Variants in DENND5A observed in about 807,000 individuals in gnomAD.
DENND5A encodes the protein DENN domain-containing protein 5A.
Under a neutral mutation model 140.3 loss-of-function variants are expected in DENND5A, and 64 were observed. The ratio of observed to expected loss-of-function variants is 0.46; its 90% CI spans 0.37 to 0.56. The LOEUF (loss-of-function observed/expected upper bound fraction) is 0.56. DENND5A is among the 20% of genes least tolerant of loss of function. The pLI is 0.00. For missense variants in DENND5A, 1,292 were observed against 1,593.8 expected, an observed-to-expected ratio of 0.81 and a Z score of 3.22; for synonymous variants, 605 against 607.7, an observed-to-expected ratio of 1.00 and a Z score of 0.07.
At chr11:9,176,242 T>C (rs769468392) in intron 8 of DENND5A, among the ~76,000 whole-genome samples, 3 of 152,258 alleles carry the variant, frequency 2.0e-5, no homozygotes, top group Non-Finnish European at 4.4e-5. Context: ...TCAGCAGTTA[T>C]ATCTTCAAAG....
rs781312240 is a variant in DENND5A, at chr11:9,139,802, C to T, written c.3733G>A (p.Ala1245Thr). 1.9e-6 allele frequency: 3 copies of T among 1,614,080 alleles called. No individual in the cohort carries two copies. Among genetic ancestry groups the T allele is most frequent in the Non-Finnish European group, 2.5e-6 (3 of 1,180,016 alleles). The change falls in exon 23 of 23, where the codon GCA (alanine) becomes ACA (threonine). Residue 1245 changes from alanine (A) to threonine (T), a missense_variant. Physicochemically the swap from Ala to Thr is moderately conservative, Grantham distance 58 (BLOSUM62 0). This residue lies in a region of DENND5A where 498 missense variants were observed against 689.7 expected (regional missense o/e 0.72). Coordinates refer to ENST00000328194, the MANE Select transcript of DENND5A (RefSeq NM_015213.4). ...IALLADCPIT[A>T]HMYEDVALIK... is the part of the protein sequence containing the mutation. The stretch of plus-strand genomic sequence containing the variant: ...AGTGCCACATCCTCATACATGTGTG[C>T]AGTGATGGGGCAGTCAGCCAGCAGG...
intron 1 of DENND5A, among the ~76,000 whole-genome samples, chr11:9,224,488 T>A (rs1850450433): frequency 6.6e-6 from 1 of 152,208 alleles, no homozygotes; most frequent in Non-Finnish European, 1.5e-5. Flanking sequence ...CTTTGTTAGA[T>A]GTTATTCTCT....
At chr11:9,174,039 G>A (rs945081734) in intron 8 of DENND5A, among the ~76,000 whole-genome samples, 4 of 132,714 alleles carry the variant, frequency 3.0e-5, no homozygotes, top group Non-Finnish European at 6.2e-5. Flanking sequence ...GAAGGCAGAA[G>A]TTGCAGTGAG....
chr11:9,225,954 G>A (rs1303788261), intron 1 of DENND5A, among the ~76,000 whole-genome samples: 3 of 152,044 alleles, frequency 2.0e-5, no homozygotes, highest in African/African-American at 7.2e-5. Flanking sequence ...GTTGGCATGT[G>A]CCTAGGCCCC....
chr11:9,237,189 G>A (rs1332061616), intron 1 of DENND5A, among the ~76,000 whole-genome samples: 1 of 152,210 alleles, frequency 6.6e-6, no homozygotes, highest in Non-Finnish European at 1.5e-5. Flanking sequence ...GGAAGAGATG[G>A]GCAGATCACC....
chr11:9,236,166 T>C (rs1480843918), intron 1 of DENND5A, among the ~76,000 whole-genome samples: 1 of 149,432 alleles, frequency 6.7e-6, no homozygotes, highest in Admixed American at 6.8e-5. Context: ...GAGGCTGCAG[T>C]GAGCCATGTT....
intron 1 of DENND5A, among the ~76,000 whole-genome samples, chr11:9,227,503 T>C (rs1403630992): frequency 6.6e-6 from 1 of 152,194 alleles, no homozygotes; most frequent in Non-Finnish European, 1.5e-5. Context: ...TGAAAGGGCA[T>C]CTCATCCAGA....
Position 9,238,361 on chromosome 11 carries a change from A to G in DENND5A, c.109+26600T>C, listed in dbSNP as rs563462620. ...TGATTAAATGCATGTGTGTGTGTGTATATATATATATTAAGCTATATACTT... is the reference window on the plus strand; with the variant it reads ...TGATTAAATGCATGTGTGTGTGTGTGTATATATATATTAAGCTATATACTT... On this transcript the variant is annotated intron_variant, in intron 1 of 22. Coordinates refer to ENST00000328194, the MANE Select transcript of DENND5A (RefSeq NM_015213.4). Among the ~76,000 whole-genome samples the G allele has an allele frequency of 1.1e-3, 157 of 148,166 alleles. 1 individual carries two copies. The highest frequency in any genetic ancestry group is 1.7e-3 in the Non-Finnish European group (112 of 67,820).
chr11:9,166,013 AACC>A, intron 10 of DENND5A, 46 bp from the exon 11 acceptor site: 1 of 1,605,168 alleles, frequency 6.2e-7, no homozygotes, highest in South Asian at 1.1e-5. Flanking sequence ...CATGTACATA[AACC>A]AAAGGTCAGC....
At chr11:9,196,354 T>C (rs959211475) in intron 4 of DENND5A, among the ~76,000 whole-genome samples, 2 of 152,236 alleles carry the variant, frequency 1.3e-5, no homozygotes, top group African/African-American at 2.4e-5. Flanking sequence ...TACGTATTTA[T>C]GAACAATTAT....
At chr11:9,180,729 C>G in intron 6 of DENND5A, 38 bp downstream of exon 6, 2 of 1,589,694 alleles carry the variant, frequency 1.3e-6, no homozygotes. Context: ...CACCCTAGCA[C>G]AGATCACACG....
At chr11:9,258,542 G>C (rs1852052206) in intron 1 of DENND5A, among the ~76,000 whole-genome samples, 1 of 151,964 alleles carries the variant, frequency 6.6e-6, no homozygotes, top group Non-Finnish European at 1.5e-5. Context: ...CATTTGAGTT[G>C]GTTCCAAGTC....
At chr11:9,221,990 C>T (rs565189455) in intron 1 of DENND5A, among the ~76,000 whole-genome samples, 5 of 152,048 alleles carry the variant, frequency 3.3e-5, no homozygotes, top group African/African-American at 1.2e-4. Flanking sequence ...ATCTCCTGAC[C>T]TCATGATCCG....
chr11:9,167,894 G>T (rs1848243213), intron 10 of DENND5A, among the ~76,000 whole-genome samples: 1 of 152,154 alleles, frequency 6.6e-6, no homozygotes, highest in South Asian at 2.1e-4. Flanking sequence ...GTTTGATGAT[G>T]ACCCCAAGTA....
intron 19 of DENND5A, 37 bp from the exon 20 acceptor site, chr11:9,143,522 T>G: frequency 1.6e-5 from 24 of 1,537,918 alleles, no homozygotes; most frequent in Non-Finnish European, 2.0e-5. Flanking sequence ...AACCAATCTC[T>G]GAGGCTAACA....
chr11:9,238,562 G>A (rs1590321210), intron 1 of DENND5A, among the ~76,000 whole-genome samples: 2 of 151,792 alleles, frequency 1.3e-5, no homozygotes, highest in East Asian at 3.9e-4. Context: ...GACCACAGGC[G>A]CCCGCCACCA....
intron 1 of DENND5A, among the ~76,000 whole-genome samples, chr11:9,244,206 T>C (rs1851367221): frequency 6.6e-6 from 1 of 152,178 alleles, no homozygotes; most frequent in Non-Finnish European, 1.5e-5. Flanking sequence ...TACTCCTAAA[T>C]TTCTATTGTA....
intron 1 of DENND5A, among the ~76,000 whole-genome samples, chr11:9,228,166 T>C (rs956633650): frequency 6.7e-6 from 1 of 148,894 alleles, no homozygotes; most frequent in East Asian, 2.0e-4. Context: ...GTTACTGGCA[T>C]GCAGCTCCTA....
chr11:9,243,104 AC>A lies in DENND5A; in HGVS notation c.109+21856del, dbSNP rs1446307169. Among the ~76,000 whole-genome samples, 310 of 137,258 alleles carry A rather than the reference AC, an allele frequency of 2.3e-3. 14 individuals are homozygous for A. Among genetic ancestry groups the A allele is most frequent in the Middle Eastern group, 6.9e-3 (2 of 288 alleles). The allele number at this position is 137,258 out of a possible 152,430, so 90.0% of individuals were successfully genotyped here. A position where few individuals can be genotyped will look rare whatever the true frequency, so the allele number is the denominator to read the frequency against. Reference sequence around the variant, plus strand: ...CTCTGTCTCAAAAAAAAAAAAAAAAACAAAAAAAAAAACTGAGGCGAGTAAG... The same window carrying A: ...CTCTGTCTCAAAAAAAAAAAAAAAAAAAAAAAAAAAACTGAGGCGAGTAAG... On this transcript the variant is annotated intron_variant, in intron 1 of 22. Coordinates refer to ENST00000328194, the MANE Select transcript of DENND5A (RefSeq NM_015213.4).
Sources: gnomAD v4.1 joint callset for allele counts (sites outside exome capture counted in the v4.1 genomes callset) on GRCh38, gnomAD v4.1.1 for gene constraint, gnomAD v4.1.1 regional missense constraint, MANE v1.5 for transcripts, NCBI Gene and HGNC (gene_info 2026-07-23, HGNC 2026-07-21) for gene names.